TLK1: variants seen among roughly 807,000 people sequenced by gnomAD.
TLK1 encodes serine/threonine-protein kinase tousled-like 1.
TLK1 carries 24 observed loss-of-function variants against 105.3 expected under a neutral mutation model. That is an observed-to-expected ratio of 0.23 (90% CI 0.17 to 0.32). The LOEUF is 0.32. TLK1 is among the 10% of genes least tolerant of loss of function. TLK1 has a pLI of 1.00. For synonymous variants in TLK1, 321 were observed against 310.4 expected, an observed-to-expected ratio of 1.03 and a Z score of -0.36; for missense variants, 558 against 910.5, an observed-to-expected ratio of 0.61 and a Z score of 4.98.
At chr2:171,032,303 T>G (rs186510365) in intron 11 of TLK1, among the ~76,000 whole-genome samples, 1 of 152,030 alleles carries the variant, frequency 6.6e-6, no homozygotes, top group Non-Finnish European at 1.5e-5. Flanking sequence ...AATAAAACTA[T>G]CTATATTTGC....
chr2:171,030,170 G>GT (rs1344222289), intron 11 of TLK1, among the ~76,000 whole-genome samples: 1 of 152,144 alleles, frequency 6.6e-6, no homozygotes, highest in Non-Finnish European at 1.5e-5. Context: ...TTTGGTTTCA[G>GT]TCCCTCAGCA....
chr2:171,131,293 C>G (rs1206822991), intron 1 of TLK1, among the ~76,000 whole-genome samples: 3 of 152,146 alleles, frequency 2.0e-5, no homozygotes, highest in African/African-American at 7.2e-5. Context: ...CAACCTAATA[C>G]TCAATGACCA....
intron 2 of TLK1, among the ~76,000 whole-genome samples, chr2:171,111,407 C>T (rs888573483): frequency 6.6e-6 from 1 of 151,640 alleles, no homozygotes; most frequent in African/African-American, 2.4e-5. Flanking sequence ...CTGGTCTCCA[C>T]AAAAAAAGTC....
At position 171,029,481 on chromosome 2, in the gene TLK1, A is replaced by G. The variant is rs1235006812; in HGVS notation, c.1170-1076T>C. ...CCCGTCTCAATCTCCCTCACCCCCA[A>G]AAAAGCACTAAATTCTTATACTCCA... On this transcript the variant is annotated intron_variant, in intron 11 of 20. Transcript: ENST00000431350. Among the ~76,000 whole-genome samples, 5 of 152,120 alleles carry G rather than the reference A, an allele frequency of 3.3e-5. No homozygotes were observed. The East Asian group carries it at 9.7e-4, about 29-fold the overall frequency.
intron 2 of TLK1, among the ~76,000 whole-genome samples, chr2:171,112,860 G>C (rs1274226528): frequency 1.3e-5 from 2 of 152,040 alleles, no homozygotes; most frequent in Non-Finnish European, 2.9e-5. Context: ...AAGTCCATGG[G>C]GAGAACTGAA....
intron 1 of TLK1, among the ~76,000 whole-genome samples, chr2:171,210,706 T>C (rs556193751): frequency 3.9e-5 from 6 of 152,314 alleles, no homozygotes. Flanking sequence ...TATTGCAACA[T>C]CCTTATATCT....
chr2:171,129,962 T>C (rs149892139), intron 1 of TLK1, among the ~76,000 whole-genome samples: 2 of 152,328 alleles, frequency 1.3e-5, no homozygotes, highest in Non-Finnish European at 1.5e-5. Context: ...ATCTTTACCA[T>C]ATCCTCGTAA....
chr2:171,173,809 A>G (rs980461897), intron 1 of TLK1, among the ~76,000 whole-genome samples: 74 of 152,260 alleles, frequency 4.9e-4, no homozygotes, highest in African/African-American at 1.8e-3. Context: ...AAATGTCTTC[A>G]TCCTATATTC....
intron 1 of TLK1, among the ~76,000 whole-genome samples, chr2:171,191,149 G>T (rs1693139386): frequency 6.8e-6 from 1 of 147,308 alleles, no homozygotes; most frequent in South Asian, 2.1e-4. Context: ...GACACACTGA[G>T]ACTCCATCTT....
At chr2:171,211,284 A>G (rs1281950105) in intron 1 of TLK1, among the ~76,000 whole-genome samples, 1 of 152,204 alleles carries the variant, frequency 6.6e-6, no homozygotes, top group African/African-American at 2.4e-5. Flanking sequence ...CTCCCTTTCT[A>G]TAACCGGTTT....
chr2:171,124,420 A>T (rs988620974), intron 1 of TLK1, among the ~76,000 whole-genome samples: 1 of 151,796 alleles, frequency 6.6e-6, no homozygotes, highest in Non-Finnish European at 1.5e-5. Context: ...TCTCTTTATT[A>T]AAAAAATTTC....
chr2:171,189,695 T>C (rs1693104645), intron 1 of TLK1, among the ~76,000 whole-genome samples: 1 of 152,228 alleles, frequency 6.6e-6, no homozygotes, highest in Middle Eastern at 3.2e-3. Context: ...ATATTTTTCA[T>C]GTACCAAGAA....
At position 171,030,523 on chromosome 2, in the gene TLK1, C is replaced by G. The variant is rs3821088; in HGVS notation, c.1170-2118G>C. Among the ~76,000 whole-genome samples, 453 of 152,080 alleles carry G rather than the reference C, an allele frequency of 3.0e-3. 4 individuals are homozygous for G. The highest frequency in any genetic ancestry group is 5.8e-3 in the East Asian group (30 of 5,174). ...TACTAAAGAAAATGAGGTTTGAAAACTAAAATGTATAATATCTCAACTAAT... is the reference window on the plus strand; with the variant it reads ...TACTAAAGAAAATGAGGTTTGAAAAGTAAAATGTATAATATCTCAACTAAT... On this transcript the variant is annotated intron_variant, in intron 11 of 20. Transcript: ENST00000431350.
intron 1 of TLK1, among the ~76,000 whole-genome samples, chr2:171,120,308 A>G (rs980808779): frequency 6.6e-6 from 1 of 151,860 alleles, no homozygotes; most frequent in African/African-American, 2.4e-5. Flanking sequence ...GACTTCATCA[A>G]AATTAAAAAC....
chr2:171,010,533 T>C (rs191262467), intron 14 of TLK1, among the ~76,000 whole-genome samples: 241 of 142,634 alleles, frequency 1.7e-3, no homozygotes, highest in African/African-American at 6.2e-3. Flanking sequence ...TGAGAGAGGA[T>C]AAAAACCTTC....
At chr2:171,209,429 G>C (rs560127551) in intron 1 of TLK1, among the ~76,000 whole-genome samples, 1 of 152,280 alleles carries the variant, frequency 6.6e-6, no homozygotes, top group African/African-American at 2.4e-5. Flanking sequence ...TATATTGTAA[G>C]TGTTTAAATA....
rs867614588 is a variant in TLK1 at position 171,117,697 on chromosome 2, T to C, written c.258+42A>G. On this transcript the variant is annotated intron_variant, in intron 2 of 20. Coordinates refer to ENST00000431350, the MANE Select transcript of TLK1 (RefSeq NM_012290.5). Reference sequence around the variant, plus strand: ...TTACATACTATTTTAGATCATTTAATAGAAAGAAAGACTGTCAAATAAAGA... The same window carrying C: ...TTACATACTATTTTAGATCATTTAACAGAAAGAAAGACTGTCAAATAAAGA... The C allele has an allele frequency of 4.0e-6, 6 of 1,484,430 alleles. No homozygotes were observed. In the South Asian group the frequency reaches 4.7e-5, roughly 12 times the overall value. The allele number at this position is 1,484,430 out of a possible 1,614,324, so 92.0% of individuals were successfully genotyped here. A position where few individuals can be genotyped will look rare whatever the true frequency, so the allele number is the denominator to read the frequency against.
chr2:171,040,460 A>C (rs1443502951), intron 11 of TLK1, among the ~76,000 whole-genome samples: 1 of 152,126 alleles, frequency 6.6e-6, no homozygotes, highest in Non-Finnish European at 1.5e-5. Flanking sequence ...CTTTCTGCTC[A>C]ATTCTGCTGT....
intron 1 of TLK1, among the ~76,000 whole-genome samples, chr2:171,118,122 ATAT>A (rs1447197545): frequency 6.6e-6 from 1 of 152,208 alleles, no homozygotes; most frequent in African/African-American, 2.4e-5. Context: ...AAACATTCAT[ATAT>A]TTAAAAGTTT....
Sources: gnomAD v4.1 joint callset for allele counts (sites outside exome capture counted in the v4.1 genomes callset) on GRCh38, gnomAD v4.1.1 for gene constraint, MANE v1.5 for transcripts, NCBI Gene and HGNC (gene_info 2026-07-23, HGNC 2026-07-21) for gene names.